Variants in CNOT1 observed in about 807,000 individuals in gnomAD.
CNOT1 encodes the protein CCR4-associated factor 1.
A neutral mutation model predicts 273.8 loss-of-function variants in CNOT1; 15 were observed. The observed-to-expected ratio is 0.05, with a 90% CI of 0.04 to 0.08. The LOEUF (loss-of-function observed/expected upper bound fraction) is 0.08, where lower values mean the gene tolerates loss of function less well. Among genes scored for constraint, CNOT1 ranks in the 10% least tolerant of loss-of-function variants. CNOT1 has a pLI of 1.00. For missense variants in CNOT1, 1,644 were observed against 2,912.2 expected (o/e 0.56, Z 10.02); for synonymous variants, 1,022 against 1,005.5 (o/e 1.02, Z -0.31).
Position 58,587,421 on chromosome 16 carries a change from A to C in CNOT1, c.310-8T>G, listed in dbSNP as rs758716567. 2.5e-6 allele frequency: 4 copies of C among 1,611,260 alleles called. No homozygotes were observed. The highest frequency in any genetic ancestry group is 1.7e-5 in the Admixed American group (1 of 59,412). On this transcript the variant is annotated splice_region_variant and splice_polypyrimidine_tract_variant and intron_variant, in intron 4 of 48. Transcript: ENST00000317147. ...GGGTGCAGGCTTTAAACTCTGAAAC[A>C]AACCAAATTTTAGTTTAAAATAAGA...
intron 1 of CNOT1, among the ~76,000 whole-genome samples, chr16:58,628,908 G>C (rs940219420): frequency 2.0e-5 from 3 of 152,212 alleles, no homozygotes; most frequent in African/African-American, 4.8e-5. Context: ...TATTATTTGT[G>C]TTTGGCCTTA....
chr16:58,618,273 A>T (rs934631316), intron 1 of CNOT1, among the ~76,000 whole-genome samples: 1 of 146,454 alleles, frequency 6.8e-6, no homozygotes, highest in Non-Finnish European at 1.5e-5. Context: ...CTTTGTCTCT[A>T]AAAAAAAAAA....
Position 58,576,552 on chromosome 16 carries a change from T to C in CNOT1, c.1615A>G (p.Met539Val), listed in dbSNP as rs2041463751. 6.2e-7 allele frequency: 1 copy of C among 1,614,074 alleles called. No individual in the cohort carries two copies. The highest frequency in any genetic ancestry group is 8.5e-7 in the Non-Finnish European group (1 of 1,180,044). ...GQSPSIRQLI[M>V]HAMAEWYMRG... ...ATGTACCATTCTGCCATTGCATGCA[T>C]GATAAGTTGGCGAATTGAGGGAGAC... Residue 539 changes from methionine to valine, a missense_variant, in exon 14 of 49, where the codon ATG (methionine) becomes GTG (valine). This residue lies in a region of CNOT1 where 706 missense variants were observed against 1,021.2 expected (regional missense o/e 0.69). Coordinates refer to ENST00000317147, the MANE Select transcript of CNOT1 (RefSeq NM_016284.5).
intron 44 of CNOT1, among the ~76,000 whole-genome samples, chr16:58,526,786 C>A (rs1256658312): frequency 1.4e-5 from 2 of 143,848 alleles, no homozygotes; most frequent in East Asian, 2.0e-4. Flanking sequence ...CATTGCGCTC[C>A]AGCCTGGGCA....
At chr16:58,550,384 C>T (rs991259666) in intron 24 of CNOT1, among the ~76,000 whole-genome samples, 17 of 152,140 alleles carry the variant, frequency 1.1e-4, no homozygotes, top group African/African-American at 3.9e-4. Flanking sequence ...TCCACTACCT[C>T]GGAGACACCA....
intron 16 of CNOT1, among the ~76,000 whole-genome samples, chr16:58,561,863 G>T (rs8050001): frequency 0.39 from 59,168 of 151,930 alleles, 12,917 homozygotes; most frequent in African/African-American, 0.59. Context: ...ATACAACTAT[G>T]GGGTCCCTTG....
intron 40 of CNOT1, among the ~76,000 whole-genome samples, chr16:58,533,507 GT>G (rs2039835184): frequency 6.6e-6 from 1 of 152,174 alleles, no homozygotes; most frequent in South Asian, 2.1e-4. Flanking sequence ...GCGGTGGCGG[GT>G]GCCTGTAGTC....
chr16:58,588,614 T>G (rs778064032), intron 3 of CNOT1, among the ~76,000 whole-genome samples, 185 bp downstream of exon 3: 2 of 152,082 alleles, frequency 1.3e-5, no homozygotes, highest in Non-Finnish European at 2.9e-5. Flanking sequence ...TAGGTAGCTG[T>G]TATAGTCTAC....
intron 16 of CNOT1, among the ~76,000 whole-genome samples, chr16:58,563,584 A>C (rs562611681): frequency 3.9e-5 from 6 of 152,366 alleles, no homozygotes; most frequent in East Asian, 1.9e-4. Context: ...AATAATTAAA[A>C]GTATTTCAAA....
intron 1 of CNOT1, among the ~76,000 whole-genome samples, chr16:58,607,014 A>G (rs2042705784): frequency 6.6e-6 from 1 of 152,184 alleles, no homozygotes; most frequent in Admixed American, 6.6e-5. Flanking sequence ...TTCAATCTAA[A>G]CAGAACCAAG....
At chr16:58,617,371 T>C (rs1324805090) in intron 1 of CNOT1, among the ~76,000 whole-genome samples, 1 of 151,694 alleles carries the variant, frequency 6.6e-6, no homozygotes, top group African/African-American at 2.4e-5. Flanking sequence ...AAAAATTTTT[T>C]TAATTAAAAA....
At chr16:58,596,812 T>C (rs770982523) in intron 2 of CNOT1, among the ~76,000 whole-genome samples, 103 of 132,728 alleles carry the variant, frequency 7.8e-4, no homozygotes, top group Admixed American at 1.4e-3. Context: ...GGCGTGAACC[T>C]AGGAGGTGGA....
rs201769594 is a variant in CNOT1 at position 58,527,842 on chromosome 16, G to C, written c.6453+633C>G. 3.5e-4 allele frequency: 73 copies of C among 206,906 alleles called. No homozygotes were observed. The East Asian group carries it at 9.7e-3, about 28-fold the overall frequency. The allele number at this position is 206,906 out of a possible 1,614,324, so 12.8% of individuals were successfully genotyped here. On this transcript the variant is annotated intron_variant, in intron 44 of 48. Coordinates refer to ENST00000317147, the MANE Select transcript of CNOT1 (RefSeq NM_016284.5). ...TGAAATATGGAGACTATGGCAGGGC[G>C]TGGTGGCTCACACCTGTAATCCCAG...
At chr16:58,586,069 C>T (rs1006424662) in intron 7 of CNOT1, among the ~76,000 whole-genome samples, 19 of 149,332 alleles carry the variant, frequency 1.3e-4, no homozygotes, top group Admixed American at 6.1e-4. Flanking sequence ...TTTACAATGC[C>T]GATATCCAAG....
chr16:58,621,191 G>A (rs115207926), intron 1 of CNOT1, among the ~76,000 whole-genome samples: 2,275 of 152,012 alleles, frequency 0.015, 44 homozygotes, highest in African/African-American at 0.052. Context: ...GAAACTCCTC[G>A]GCTTAAGTGA....
At chr16:58,579,949 C>G (rs1482717838) in intron 12 of CNOT1, among the ~76,000 whole-genome samples, 1 of 152,170 alleles carries the variant, frequency 6.6e-6, no homozygotes, top group Admixed American at 6.5e-5. Flanking sequence ...GTAGCTCACA[C>G]CTGCAATCCC....
chr16:58,610,360 C>A (rs1267582686), intron 1 of CNOT1, among the ~76,000 whole-genome samples: 2 of 152,152 alleles, frequency 1.3e-5, no homozygotes, highest in African/African-American at 4.8e-5. Context: ...GAGCTGAGAT[C>A]ACACCAATGC....
chr16:58,587,937 G>A, intron 3 of CNOT1, 59 bp from the exon 4 acceptor site: 1 of 1,479,280 alleles, frequency 6.8e-7, no homozygotes, highest in Non-Finnish European at 9.3e-7. Flanking sequence ...ACAAACAGAA[G>A]CTGAGGTACT....
At chr16:58,578,432 G>A (rs1206778674) in intron 13 of CNOT1, among the ~76,000 whole-genome samples, 2 of 133,486 alleles carry the variant, frequency 1.5e-5, no homozygotes, top group African/African-American at 5.7e-5. Flanking sequence ...CAGCCTGGGC[G>A]ACAGAGCAAG....
Sources: gnomAD v4.1 joint callset for allele counts (sites outside exome capture counted in the v4.1 genomes callset) on GRCh38, gnomAD v4.1.1 for gene constraint, gnomAD v4.1.1 regional missense constraint, MANE v1.5 for transcripts, NCBI Gene and HGNC (gene_info 2026-07-23, HGNC 2026-07-21) for gene names.